Variants in COL25A1 observed in about 807,000 individuals in gnomAD.
COL25A1 encodes collagen alpha-1(XXV) chain.
In COL25A1, 103 loss-of-function variants were observed where a neutral mutation model predicts 128.4. The ratio of observed to expected loss-of-function variants is 0.80; its 90% CI spans 0.68 to 0.94. The LOEUF is 0.94. Ranked by LOEUF, COL25A1 falls within the 40% of genes least tolerant of loss-of-function variation. The probability of loss-of-function intolerance (pLI) is 0.00; values close to 1 mark genes in which losing one functional copy is unlikely to be tolerated. For missense variants in COL25A1, 745 were observed against 840.0 expected (o/e 0.89, Z 1.40); for synonymous variants, 279 against 277.2 (o/e 1.01, Z -0.06).
At chr4:108,866,571 T>C (rs1168556339) in intron 20 of COL25A1, among the ~76,000 whole-genome samples, 1 of 152,216 alleles carries the variant, frequency 6.6e-6, no homozygotes, top group Non-Finnish European at 1.5e-5. Context: ...CATGTTTTGA[T>C]GCCATTGTAC....
At chr4:108,819,847 G>C in intron 35 of COL25A1, 2 of 1,231,846 alleles carry the variant, frequency 1.6e-6, no homozygotes, top group Non-Finnish European at 2.0e-6. Flanking sequence ...GGAGCACCCT[G>C]TTCTCCTTTC....
At chr4:108,930,603 A>G (rs1259702705) in intron 11 of COL25A1, among the ~76,000 whole-genome samples, 5 of 152,220 alleles carry the variant, frequency 3.3e-5, no homozygotes, top group Non-Finnish European at 5.9e-5. Flanking sequence ...GCTGAGTCTT[A>G]TAAAGTTGAA....
chr4:108,975,325 G>A (rs557165600), intron 6 of COL25A1, among the ~76,000 whole-genome samples: 11 of 152,296 alleles, frequency 7.2e-5, no homozygotes, highest in South Asian at 6.2e-4. Context: ...GTGTGGTGGC[G>A]CATGCCTGTG....
chr4:109,145,133 A>G (rs1375531983), intron 3 of COL25A1, among the ~76,000 whole-genome samples: 1 of 147,596 alleles, frequency 6.8e-6, no homozygotes, highest in Non-Finnish European at 1.5e-5. Flanking sequence ...CAGTGGCGCA[A>G]TCTGGGCTCC....
chr4:109,177,571 T>C (rs984842608), intron 3 of COL25A1, among the ~76,000 whole-genome samples: 8 of 152,114 alleles, frequency 5.3e-5, no homozygotes, highest in African/African-American at 1.4e-4. Context: ...CCATCTGCTA[T>C]CAATACAGCC....
intron 19 of COL25A1, among the ~76,000 whole-genome samples, chr4:108,879,085 G>A (rs1250389100): frequency 6.6e-6 from 1 of 152,170 alleles, no homozygotes; most frequent in Non-Finnish European, 1.5e-5. Flanking sequence ...GCTTCTATTA[G>A]ATTACTGAGC....
chr4:109,286,893 T>A (rs1045490675), intron 3 of COL25A1, among the ~76,000 whole-genome samples: 1 of 152,106 alleles, frequency 6.6e-6, no homozygotes, highest in African/African-American at 2.4e-5. Context: ...TGATCCAACA[T>A]TTAGGAGGGC....
chr4:108,905,554 AT>A, intron 13 of COL25A1, among the ~76,000 whole-genome samples: 1 of 150,706 alleles, frequency 6.6e-6, no homozygotes, highest in East Asian at 1.9e-4. Context: ...TAATAATAAT[AT>A]TACTTGTTTC....
intron 23 of COL25A1, 60 bp downstream of exon 23, chr4:108,860,867 A>C (rs1160234656): frequency 1.3e-5 from 17 of 1,317,186 alleles, no homozygotes; most frequent in South Asian, 4.7e-5. Context: ...CCATGCAGAC[A>C]TGAATTCAAA....
At chr4:108,827,548 A>G (rs1289569728) in intron 32 of COL25A1, among the ~76,000 whole-genome samples, 1 of 152,086 alleles carries the variant, frequency 6.6e-6, no homozygotes, top group African/African-American at 2.4e-5. Flanking sequence ...CTTTTTTGAG[A>G]CAGGGTCTCC....
At chr4:109,214,288 A>G (rs1777813586) in intron 3 of COL25A1, among the ~76,000 whole-genome samples, 1 of 152,164 alleles carries the variant, frequency 6.6e-6, no homozygotes, top group Non-Finnish European at 1.5e-5. Context: ...TTCATACAAT[A>G]GCATTAAAAT....
intron 3 of COL25A1, among the ~76,000 whole-genome samples, chr4:109,114,301 T>C (rs1767312752): frequency 6.6e-6 from 1 of 152,006 alleles, no homozygotes; most frequent in South Asian, 2.1e-4. Flanking sequence ...ATTGGCATAG[T>C]TCCTGAGATC....
At chr4:108,936,196 TTTTG>T (rs1243083700) in intron 11 of COL25A1, among the ~76,000 whole-genome samples, 1 of 152,166 alleles carries the variant, frequency 6.6e-6, no homozygotes, top group Non-Finnish European at 1.5e-5. Context: ...ATGACAAAGG[TTTTG>T]TTTAAGTTTT....
At chr4:108,948,775 T>G (rs1578860961) in intron 8 of COL25A1, among the ~76,000 whole-genome samples, 1 of 152,206 alleles carries the variant, frequency 6.6e-6, no homozygotes, top group Non-Finnish European at 1.5e-5. Context: ...GCAATCTCTG[T>G]ATGAACAAAT....
chr4:108,901,034 T>G (rs1173101618), intron 14 of COL25A1, 85 bp downstream of exon 14: 1 of 1,059,682 alleles, frequency 9.4e-7, no homozygotes, highest in Non-Finnish European at 1.5e-6. Flanking sequence ...CTGGTGAGAT[T>G]GTTAAAAATT....
At chr4:108,929,508 A>C (rs920264852) in intron 11 of COL25A1, among the ~76,000 whole-genome samples, 3 of 152,174 alleles carry the variant, frequency 2.0e-5, no homozygotes, top group African/African-American at 4.8e-5. Context: ...ATTTATAAGC[A>C]CACATATACT....
At chr4:108,853,615 C>T (rs1447591307) in intron 24 of COL25A1, among the ~76,000 whole-genome samples, 1 of 151,978 alleles carries the variant, frequency 6.6e-6, no homozygotes, top group African/African-American at 2.4e-5. Context: ...TTGCTGCACC[C>T]ATCAACTCGT....
intron 19 of COL25A1, 75 bp from the exon 20 acceptor site, chr4:108,869,225 A>AAAC: frequency 1.5e-6 from 1 of 646,836 alleles, no homozygotes; most frequent in Non-Finnish European, 2.4e-6. Context: ...AATAAATAAA[A>AAAC]ACTAAACTCA....
chr4:109,095,441 G>A (rs1341917848), intron 3 of COL25A1, among the ~76,000 whole-genome samples: 2 of 152,148 alleles, frequency 1.3e-5, no homozygotes, highest in Admixed American at 6.6e-5. Flanking sequence ...CTGGAAGAGG[G>A]CATAATGATG....
Sources: gnomAD v4.1 joint callset for allele counts (sites outside exome capture counted in the v4.1 genomes callset) on GRCh38, gnomAD v4.1.1 for gene constraint, MANE v1.5 for transcripts, NCBI Gene and HGNC (gene_info 2026-07-23, HGNC 2026-07-21) for gene names.